Variants in ADAMTS18 observed in about 807,000 individuals in gnomAD.
ADAMTS18 encodes ADAM metallopeptidase with thrombospondin type 1 motif 18, also known as A disintegrin and metalloproteinase with thrombospondin motifs 18.
In ADAMTS18, 157 loss-of-function variants were observed where a neutral mutation model predicts 165.9. The ratio of observed to expected loss-of-function variants is 0.95; its 90% CI spans 0.83 to 1.08. The LOEUF (loss-of-function observed/expected upper bound fraction) is 1.08. Among genes scored for constraint, ADAMTS18 ranks in the 50% least tolerant of loss-of-function variants. ADAMTS18 has a pLI of 0.00. For synonymous variants in ADAMTS18, 782 were observed against 578.2 expected (o/e 1.35, Z -5.06); for missense variants, 2,040 against 1,534.0 (o/e 1.33, Z -5.51).
In ADAMTS18 at chr16:77,322,381, G is replaced by T. The variant is rs1214739128; in HGVS notation, c.2118C>A (p.Pro706=). Residue 706 remains proline, a synonymous_variant, in exon 14 of 23, where the codon CCC becomes CCA. Coordinates refer to ENST00000282849, the MANE Select transcript of ADAMTS18 (RefSeq NM_199355.4). ...AAACATCATTTTTGTTTGGGGAGCA[G>T]GGAGTTCCATCTTTCACTTTGCCGG... ...AMSGKVKDGT[P]CSPNKNDVCI... The T allele has an allele frequency of 1.9e-6, 3 of 1,613,930 alleles. No individual in the cohort carries two copies. The highest frequency in any genetic ancestry group is 2.5e-6 in the Non-Finnish European group (3 of 1,179,966).
chr16:77,376,239 G>C (rs868135150), intron 3 of ADAMTS18, among the ~76,000 whole-genome samples: 1 of 152,156 alleles, frequency 6.6e-6, no homozygotes, highest in African/African-American at 2.4e-5. Flanking sequence ...AGAAGGAAGA[G>C]AGAGTGAAGG....
chr16:77,354,876 A>G (rs954617975), intron 9 of ADAMTS18, among the ~76,000 whole-genome samples: 1 of 152,220 alleles, frequency 6.6e-6, no homozygotes, highest in East Asian at 1.9e-4. Context: ...GCATTCTTAC[A>G]TGAGTTGGAA....
intron 16 of ADAMTS18, among the ~76,000 whole-genome samples, chr16:77,317,114 TA>T (rs371586626): frequency 3.9e-5 from 6 of 152,180 alleles, no homozygotes; most frequent in Non-Finnish European, 5.9e-5. Flanking sequence ...TCTGTTTTTT[TA>T]TCTCATACTT....
intron 3 of ADAMTS18, among the ~76,000 whole-genome samples, chr16:77,424,392 C>T (rs1042489406): frequency 1.3e-5 from 2 of 151,814 alleles, no homozygotes; most frequent in South Asian, 2.1e-4. Flanking sequence ...TGCTCGAACC[C>T]GTGAGGCAGA....
Position 77,314,649 on chromosome 16 carries a change from G to GTGTA in ADAMTS18, c.2532+5199_2532+5200insTACA, listed in dbSNP as rs10527824. ...AATGTGTGTGTATGTGTGTGTGTGT[G>GTGTA]TATATATATATATGTACATATATAC... is the stretch of plus-strand genomic sequence containing the variant. On this transcript the variant is annotated intron_variant, in intron 16 of 22. Coordinates refer to ENST00000282849, the MANE Select transcript of ADAMTS18 (RefSeq NM_199355.4). Among the ~76,000 whole-genome samples, 23 of 126,472 alleles carry GTGTA rather than the reference G, an allele frequency of 1.8e-4. 1 individual carries two copies. Among genetic ancestry groups the GTGTA allele is most frequent in the South Asian group, 4.9e-4 (2 of 4,096 alleles). 83.0% of individuals were successfully genotyped at this position (126,472 alleles called of 152,430 possible).
chr16:77,320,225 C>A, intron 15 of ADAMTS18, 132 bp from the exon 16 acceptor site: 3 of 1,103,892 alleles, frequency 2.7e-6, no homozygotes, highest in South Asian at 2.7e-5. Flanking sequence ...TTCATTCTTA[C>A]TCTATGAAGT....
At chr16:77,348,051 A>G (rs939793854) in intron 10 of ADAMTS18, among the ~76,000 whole-genome samples, 1 of 152,124 alleles carries the variant, frequency 6.6e-6, no homozygotes, top group East Asian at 1.9e-4. Context: ...TCTTACCCTC[A>G]ATTTTCTAAG....
intron 3 of ADAMTS18, among the ~76,000 whole-genome samples, chr16:77,407,295 C>T (rs140185837): frequency 1.3e-5 from 2 of 151,974 alleles, no homozygotes; most frequent in Non-Finnish European, 2.9e-5. Context: ...TGAGCAAGAT[C>T]TCTATAATGA....
At position 77,320,067 on chromosome 16, in the gene ADAMTS18, C is replaced by G. The variant is rs770530142; in HGVS notation, c.2314G>C (p.Ala772Pro). 1.9e-5 allele frequency: 31 copies of G among 1,613,818 alleles called. No individual in the cohort carries two copies. Among genetic ancestry groups the G allele is most frequent in the Admixed American group, 3.3e-5 (2 of 59,986 alleles). Residue 772 changes from alanine (A) to proline (P), a missense_variant, in exon 16 of 23, where the codon GCT becomes CCT. Coordinates refer to ENST00000282849, the MANE Select transcript of ADAMTS18 (RefSeq NM_199355.4). ...NEYYPVVLIP[A>P]GARSIEIQEL... ...TGGATTTCGATGCTTCGGGCGCCAG[C>G]TGGAATGAGGACCACCGGATAATAT...
intron 3 of ADAMTS18, among the ~76,000 whole-genome samples, chr16:77,388,419 A>C (rs1300754411): frequency 6.6e-6 from 1 of 152,104 alleles, no homozygotes; most frequent in East Asian, 1.9e-4. Flanking sequence ...TTCTATGACC[A>C]TCTCATCAAA....
At chr16:77,352,271 A>C (rs1276534418) in intron 10 of ADAMTS18, among the ~76,000 whole-genome samples, 11 of 144,450 alleles carry the variant, frequency 7.6e-5, no homozygotes, top group Non-Finnish European at 4.5e-5. Flanking sequence ...GCAATAAATG[A>C]ATAATAATAT....
intron 3 of ADAMTS18, among the ~76,000 whole-genome samples, chr16:77,408,017 G>A (rs1597237426): frequency 2.0e-5 from 3 of 152,038 alleles, no homozygotes; most frequent in African/African-American, 7.2e-5. Flanking sequence ...CCAAAGAGAT[G>A]CCATACCCAG....
At chr16:77,355,695 G>C (rs1187439271) in intron 9 of ADAMTS18, among the ~76,000 whole-genome samples, 2 of 152,172 alleles carry the variant, frequency 1.3e-5, no homozygotes, top group African/African-American at 4.8e-5. Flanking sequence ...TCTAGATTGA[G>C]GATAATAGTA....
In ADAMTS18 at chr16:77,297,385, C is replaced by G. The variant is rs144292157; in HGVS notation, c.2705G>C (p.Arg902Pro). 5 of 1,613,476 alleles carry G rather than the reference C, an allele frequency of 3.1e-6. No homozygotes were observed. Among genetic ancestry groups the G allele is most frequent in the Non-Finnish European group, 4.2e-6 (5 of 1,179,560 alleles). The change falls in exon 18 of 23, where the codon CGA (arginine) becomes CCA (proline). Residue 902 changes from arginine to proline, a missense_variant. Transcript: ENST00000282849. The stretch of plus-strand genomic sequence containing the variant: ...GGAATTGACTTGAGTATTTTGATCT[C>G]GCAAGCAAATGGCCTTTACATTTAT... Reference protein sequence around the residue: ...GYINVKAICLRDQNTQVNSSF... With the variant: ...GYINVKAICLPDQNTQVNSSF...
chr16:77,334,813 A>T (rs2056276862), intron 12 of ADAMTS18, among the ~76,000 whole-genome samples: 1 of 123,662 alleles, frequency 8.1e-6, no homozygotes, highest in Non-Finnish European at 1.6e-5. Flanking sequence ...TATAGTATAC[A>T]GTATATATAC....
rs1234965804 is a variant in ADAMTS18, at chr16:77,285,451, G to A, written c.3551-1380C>T. Among the ~76,000 whole-genome samples the A allele has an allele frequency of 4.1e-5, 6 of 146,852 alleles. No homozygotes were observed. In the South Asian group the frequency reaches 8.6e-4, roughly 21 times the overall value. The stretch of plus-strand genomic sequence containing the variant: ...GCCTCCCAAAGTGCTGGAATTACAG[G>A]TGTGAGGCACACCCCCGGCCATTTT... On this transcript the variant is annotated intron_variant, in intron 22 of 22. Transcript: ENST00000282849.
intron 11 of ADAMTS18, among the ~76,000 whole-genome samples, chr16:77,338,814 C>T (rs1045167119): frequency 3.3e-5 from 5 of 151,672 alleles, no homozygotes; most frequent in African/African-American, 4.8e-5. Context: ...ATTAGCCGGG[C>T]GTGGTGGCGG....
chr16:77,420,547 C>G (rs1181305858), intron 3 of ADAMTS18, among the ~76,000 whole-genome samples: 1 of 152,184 alleles, frequency 6.6e-6, no homozygotes, highest in East Asian at 1.9e-4. Context: ...TAGTCATACA[C>G]ACCGAGGTTA....
intron 16 of ADAMTS18, among the ~76,000 whole-genome samples, chr16:77,302,591 C>T (rs2055605663): frequency 6.6e-6 from 1 of 152,284 alleles, no homozygotes; most frequent in Non-Finnish European, 1.5e-5. Flanking sequence ...TCTAGTATCA[C>T]CCCATTCCTC....
Sources: gnomAD v4.1 joint callset for allele counts (sites outside exome capture counted in the v4.1 genomes callset) on GRCh38, gnomAD v4.1.1 for gene constraint, MANE v1.5 for transcripts, NCBI Gene and HGNC (gene_info 2026-07-23, HGNC 2026-07-21) for gene names.